CELF2: variants seen among roughly 807,000 people sequenced by gnomAD.
The protein encoded by CELF2 is CUGBP Elav-like family member 2, also known as CUG triplet repeat RNA-binding protein 2.
In CELF2, 8 loss-of-function variants were observed where a neutral mutation model predicts 62.6. The observed-to-expected ratio is 0.13, with a 90% CI of 0.07 to 0.23. The LOEUF (loss-of-function observed/expected upper bound fraction) is 0.23, where lower values mean the gene tolerates loss of function less well. Ranked by LOEUF, CELF2 falls within the 10% of genes least tolerant of loss-of-function variation. The pLI is 1.00. For synonymous variants in CELF2, 258 were observed against 250.0 expected (o/e 1.03, Z -0.30); for missense variants, 333 against 671.0 (o/e 0.50, Z 5.56).
intron 1 of CELF2, among the ~76,000 whole-genome samples, chr10:10,911,855 C>T (rs1336353713): frequency 6.6e-6 from 1 of 152,178 alleles, no homozygotes; most frequent in Non-Finnish European, 1.5e-5. Flanking sequence ...GTAGCTGGCT[C>T]ATATTGCAAT....
At chr10:11,092,192 T>TA (rs1340682210) in intron 1 of CELF2, 5 of 152,224 alleles carry the variant, frequency 3.3e-5, no homozygotes, top group Non-Finnish European at 7.3e-5. Context: ...ACTGCCACCT[T>TA]ACCTTATTCA....
At chr10:10,782,153 A>G in the CELF2 span, among the ~76,000 whole-genome samples, 1 of 152,204 alleles carries the variant, frequency 6.6e-6, no homozygotes, top group Non-Finnish European at 1.5e-5. Context: ...GTGGATCCCA[A>G]GGGACAACTG....
chr10:10,709,223 G>A, the CELF2 span, among the ~76,000 whole-genome samples: 2 of 152,192 alleles, frequency 1.3e-5, no homozygotes, highest in Non-Finnish European at 2.9e-5. Flanking sequence ...AATTAGGCCA[G>A]TAATTGCTTC....
At chr10:10,553,934 T>G in the CELF2 span, among the ~76,000 whole-genome samples, 1 of 152,144 alleles carries the variant, frequency 6.6e-6, no homozygotes. Flanking sequence ...TCAGAAGGGA[T>G]TTACACAAAG....
chr10:10,792,738 A>C, the CELF2 span, among the ~76,000 whole-genome samples: 9 of 152,208 alleles, frequency 5.9e-5, no homozygotes, highest in African/African-American at 1.9e-4. Context: ...AATTAAAAGA[A>C]GAACATGACA....
rs914104305 is a variant in CELF2 at position 11,296,532 on chromosome 10, C to T, written c.976+7980C>T. 6.6e-6 allele frequency among the ~76,000 whole-genome samples: 1 copy of T among 152,104 alleles called. No individual in the cohort carries two copies. Among genetic ancestry groups the T allele is most frequent in the Non-Finnish European group, 1.5e-5 (1 of 68,020 alleles). On this transcript the variant is annotated intron_variant, in intron 9 of 12. Transcript: ENST00000633077. The surrounding 1 kb of genome is among the most constrained non-coding windows in gnomAD (Gnocchi z 5.0). ...ATATTAGGTGGGAAAATCAGCAAAG[C>T]TTTATTCTAGTCACAACTTCCCAGA... is the stretch of plus-strand genomic sequence containing the variant.
chr10:11,287,144 ACT>A, intron 8 of CELF2, among the ~76,000 whole-genome samples: 1 of 152,062 alleles, frequency 6.6e-6, no homozygotes, highest in East Asian at 1.9e-4. Flanking sequence ...CTCTCAGGGC[ACT>A]CTCCCTAAAG....
chr10:10,729,671 T>A, the CELF2 span, among the ~76,000 whole-genome samples: 36 of 151,862 alleles, frequency 2.4e-4, no homozygotes, highest in Non-Finnish European at 2.9e-5. Flanking sequence ...CCCAGCTACC[T>A]GGGAGGCTGA....
chr10:10,797,422 C>CT (rs2054210662), upstream of CELF2, among the ~76,000 whole-genome samples: 6 of 151,914 alleles, frequency 3.9e-5, no homozygotes, highest in Admixed American at 3.9e-4. Context: ...AAATCAGAGC[C>CT]TTTAGCTGGT....
chr10:11,130,489 C>T (rs527989207), intron 1 of CELF2, among the ~76,000 whole-genome samples: 3 of 152,316 alleles, frequency 2.0e-5, no homozygotes, highest in Non-Finnish European at 2.9e-5. Context: ...ACATTTATCA[C>T]TCTCTGCTTT....
the CELF2 span, among the ~76,000 whole-genome samples, chr10:10,683,721 C>T: frequency 6.6e-6 from 1 of 152,140 alleles, no homozygotes; most frequent in African/African-American, 2.4e-5. Flanking sequence ...TAATGTAGAT[C>T]ATATATGATG....
chr10:10,733,225 C>T, the CELF2 span, among the ~76,000 whole-genome samples: 3 of 152,294 alleles, frequency 2.0e-5, 1 homozygote, highest in Admixed American at 1.3e-4. Flanking sequence ...CCCTCCTCTG[C>T]CCATCAGTTT....
chr10:10,641,932 A>G, the CELF2 span, among the ~76,000 whole-genome samples: 1 of 152,272 alleles, frequency 6.6e-6, no homozygotes, highest in African/African-American at 2.4e-5. Context: ...TTGCTATTAT[A>G]TCACTCTTAT....
the CELF2 span, among the ~76,000 whole-genome samples, chr10:10,734,255 C>T: frequency 6.6e-6 from 1 of 152,188 alleles, no homozygotes; most frequent in Non-Finnish European, 1.5e-5. Flanking sequence ...TCACAACTTG[C>T]TATTGGTAAT....
chr10:10,745,464 CT>C, the CELF2 span, among the ~76,000 whole-genome samples: 1 of 152,334 alleles, frequency 6.6e-6, no homozygotes, highest in East Asian at 1.9e-4. Flanking sequence ...TCCGCACCCC[CT>C]GGTGAGCTCT....
At chr10:10,817,479 G>A (rs1564662875) in intron 1 of CELF2, among the ~76,000 whole-genome samples, 1 of 151,930 alleles carries the variant, frequency 6.6e-6, no homozygotes, top group Non-Finnish European at 1.5e-5. Context: ...CCCGCATTAC[G>A]CTTCCCAGCC....
chr10:11,142,961 T>G (rs1484330812), intron 1 of CELF2, among the ~76,000 whole-genome samples: 1 of 150,898 alleles, frequency 6.6e-6, no homozygotes, highest in African/African-American at 2.5e-5. Context: ...CTCCCTCCAC[T>G]GGGGGAACTC....
intron 1 of CELF2, among the ~76,000 whole-genome samples, chr10:11,155,642 A>G (rs969203121): frequency 1.3e-5 from 2 of 152,316 alleles, no homozygotes; most frequent in South Asian, 2.1e-4. Context: ...AAAAAGAAAA[A>G]TACACTTGAA....
At chr10:10,643,242 A>C in the CELF2 span, among the ~76,000 whole-genome samples, 1 of 152,070 alleles carries the variant, frequency 6.6e-6, no homozygotes, top group African/African-American at 2.4e-5. Context: ...CCCAAATCTC[A>C]TCTTGAATTG....
Sources: gnomAD v4.1 joint callset for allele counts (sites outside exome capture counted in the v4.1 genomes callset) on GRCh38, gnomAD v4.1.1 for gene constraint, Gnocchi (gnomAD v3.1) non-coding constraint, MANE v1.5 for transcripts, NCBI Gene and HGNC (gene_info 2026-07-23, HGNC 2026-07-21) for gene names.